Variants in CAMKMT observed in about 807,000 individuals in gnomAD.
CAMKMT encodes calmodulin-lysine N-methyltransferase.
Under a neutral mutation model 48.0 loss-of-function variants are expected in CAMKMT, and 53 were observed. That is an observed-to-expected ratio of 1.10 (90% CI 0.89 to 1.39). The LOEUF (loss-of-function observed/expected upper bound fraction) is 1.39. CAMKMT is among the 40% of genes most tolerant of loss of function. The probability of loss-of-function intolerance (pLI) is 0.00; values close to 1 mark genes in which losing one functional copy is unlikely to be tolerated. For synonymous variants in CAMKMT, 165 were observed against 152.3 expected (o/e 1.08, Z -0.61); for missense variants, 428 against 402.7 (o/e 1.06, Z -0.54).
In CAMKMT at chr2:44,361,973, C is replaced by A; in HGVS notation, c.-35C>A. The A allele has an allele frequency of 7.3e-7, 1 of 1,362,704 alleles. No individual in the cohort carries two copies. Among genetic ancestry groups the A allele is most frequent in the Non-Finnish European group, 9.4e-7 (1 of 1,061,812 alleles). The allele number at this position is 1,362,704 out of a possible 1,614,324, so 84.4% of individuals were successfully genotyped here. On this transcript the variant is annotated 5_prime_UTR_variant, in exon 1 of 11. Coordinates refer to ENST00000378494, the MANE Select transcript of CAMKMT (RefSeq NM_024766.5). ...GGTCCTGGCAGGGGACGAGCTGCGG[C>A]GGTGGCACCTCCGGGTGTGGAAGGC...
intron 3 of CAMKMT, among the ~76,000 whole-genome samples, chr2:44,398,980 C>G (rs6761429): frequency 0.046 from 6,990 of 152,158 alleles, 498 homozygotes; most frequent in African/African-American, 0.16. Flanking sequence ...TCATTATTTT[C>G]TGGGAGGTGG....
In CAMKMT at chr2:44,725,949, T is replaced by TA. The variant is rs566053569; in HGVS notation, c.623+10597dup. On this transcript the variant is annotated intron_variant, in intron 7 of 10. Transcript: ENST00000378494. ...TGGAGAACAGATCCCATCACCCAGGTAGTGAGCATAGTATCTGATAGGTAG... is the reference window on the plus strand; with the variant it reads ...TGGAGAACAGATCCCATCACCCAGGTAAGTGAGCATAGTATCTGATAGGTAG... Among the ~76,000 whole-genome samples the TA allele has an allele frequency of 1.4e-4, 21 of 152,158 alleles. No homozygotes were observed. The East Asian group carries it at 3.7e-3, about 27-fold the overall frequency.
chr2:44,704,450 A>T (rs1046063498), intron 4 of CAMKMT, 107 bp downstream of exon 4: 1 of 752,558 alleles, frequency 1.3e-6, no homozygotes. Flanking sequence ...AGAAAAAAAT[A>T]TAAGAAAAGA....
At chr2:44,532,976 C>G (rs1423141261) in intron 3 of CAMKMT, among the ~76,000 whole-genome samples, 1 of 151,844 alleles carries the variant, frequency 6.6e-6, no homozygotes, top group African/African-American at 2.4e-5. Flanking sequence ...CCACACCCGG[C>G]TAATTTTTGT....
intron 3 of CAMKMT, among the ~76,000 whole-genome samples, chr2:44,529,776 T>C (rs58445054): frequency 1.7e-3 from 263 of 152,330 alleles, no homozygotes; most frequent in African/African-American, 5.7e-3. Flanking sequence ...TGCTGATTTT[T>C]CCAGTAACTA....
chr2:44,482,621 G>C (rs1217082390), intron 3 of CAMKMT, among the ~76,000 whole-genome samples: 1 of 152,094 alleles, frequency 6.6e-6, no homozygotes, highest in Non-Finnish European at 1.5e-5. Context: ...AATTTAAAAT[G>C]CTGGGACCGT....
chr2:44,410,231 G>GTATATATATATAGTCTATAGACTATA (rs1558589089), intron 3 of CAMKMT, among the ~76,000 whole-genome samples: 295 of 20,434 alleles, frequency 0.014, 103 homozygotes, highest in African/African-American at 0.049. Context: ...TCAGGTATCA[G>GTATATATATATAGTCTATAGACTATA]TATATATATA....
At chr2:44,685,304 G>A (rs1347116605) in intron 3 of CAMKMT, among the ~76,000 whole-genome samples, 2 of 152,182 alleles carry the variant, frequency 1.3e-5, no homozygotes, top group Admixed American at 1.3e-4. Context: ...GTGAAAAGAA[G>A]GAGAGAGAAT....
intron 3 of CAMKMT, among the ~76,000 whole-genome samples, chr2:44,597,394 C>A (rs1405098740): frequency 1.3e-5 from 2 of 152,180 alleles, no homozygotes; most frequent in Non-Finnish European, 2.9e-5. Flanking sequence ...AGTGAATCCA[C>A]AATTAATAAT....
intron 3 of CAMKMT, among the ~76,000 whole-genome samples, chr2:44,628,023 C>T (rs1672592652): frequency 1.3e-5 from 2 of 151,978 alleles, no homozygotes; most frequent in South Asian, 4.1e-4. Flanking sequence ...CTTTTAATGT[C>T]TATAGGAACT....
intron 3 of CAMKMT, among the ~76,000 whole-genome samples, chr2:44,444,776 G>C (rs995642908): frequency 6.6e-6 from 1 of 152,144 alleles, no homozygotes; most frequent in Non-Finnish European, 1.5e-5. Context: ...GAGCATGGGA[G>C]CTAACCAACA....
intron 3 of CAMKMT, among the ~76,000 whole-genome samples, chr2:44,560,913 T>A (rs1668290558): frequency 1.3e-5 from 2 of 152,214 alleles, no homozygotes; most frequent in Admixed American, 6.5e-5. Flanking sequence ...TTTCCTACTA[T>A]CTTACACCTT....
At chr2:44,547,844 T>G (rs1667488851) in intron 3 of CAMKMT, among the ~76,000 whole-genome samples, 1 of 152,186 alleles carries the variant, frequency 6.6e-6, no homozygotes, top group African/African-American at 2.4e-5. Flanking sequence ...TGGTTAATTA[T>G]AATGCAAAAG....
At chr2:44,571,286 G>A (rs192303687) in intron 3 of CAMKMT, among the ~76,000 whole-genome samples, 2 of 152,276 alleles carry the variant, frequency 1.3e-5, no homozygotes, top group East Asian at 3.9e-4. Flanking sequence ...ATAAAAGAAT[G>A]AAGAATTTGT....
At chr2:44,627,962 C>G (rs969306728) in intron 3 of CAMKMT, among the ~76,000 whole-genome samples, 2 of 152,038 alleles carry the variant, frequency 1.3e-5, no homozygotes, top group African/African-American at 4.8e-5. Flanking sequence ...CTCGGCCTCC[C>G]AGAGTGCTGG....
At chr2:44,628,366 G>A (rs1220036689) in intron 3 of CAMKMT, among the ~76,000 whole-genome samples, 3 of 151,780 alleles carry the variant, frequency 2.0e-5, no homozygotes, top group African/African-American at 4.8e-5. Flanking sequence ...TTTCTCTATT[G>A]TTTGTCTGTT....
intron 3 of CAMKMT, among the ~76,000 whole-genome samples, chr2:44,603,530 T>C (rs1324075441): frequency 6.6e-6 from 1 of 152,224 alleles, no homozygotes; most frequent in African/African-American, 2.4e-5. Context: ...TTATTTGCTT[T>C]TGATTCTGTG....
At chr2:44,509,562 C>T (rs768935912) in intron 3 of CAMKMT, among the ~76,000 whole-genome samples, 19 of 152,212 alleles carry the variant, frequency 1.2e-4, no homozygotes, top group Non-Finnish European at 2.2e-4. Context: ...CTTCCCACCT[C>T]GGCCTCCTGA....
At chr2:44,645,358 A>G (rs1673675386) in intron 3 of CAMKMT, among the ~76,000 whole-genome samples, 1 of 152,196 alleles carries the variant, frequency 6.6e-6, no homozygotes, top group Non-Finnish European at 1.5e-5. Flanking sequence ...GCCACATACA[A>G]ACCACAGCGG....
Sources: allele counts gnomAD v4.1 joint callset (sites outside exome capture counted in the v4.1 genomes callset), GRCh38; gene constraint gnomAD v4.1.1; transcripts MANE v1.5; gene names NCBI Gene and HGNC (gene_info 2026-07-23, HGNC 2026-07-21).